Variants in TEP1 observed in about 807,000 individuals in gnomAD.
TEP1 encodes telomerase associated protein 1, also known as telomerase protein component 1.
A neutral mutation model predicts 306.3 loss-of-function variants in TEP1; 241 were observed. The ratio of observed to expected loss-of-function variants is 0.79; its 90% CI spans 0.71 to 0.88. The LOEUF is 0.88. Among genes scored for constraint, TEP1 ranks in the 40% least tolerant of loss-of-function variants. TEP1 has a pLI of 0.00. For synonymous variants in TEP1, 1,289 were observed against 1,305.5 expected (o/e 0.99, Z 0.27); for missense variants, 3,051 against 3,276.1 (o/e 0.93, Z 1.68).
At chr14:20,384,012 C>G in intron 24 of TEP1, 26 bp downstream of exon 24, 6 of 1,587,766 alleles carry the variant, frequency 3.8e-6, no homozygotes, top group Non-Finnish European at 5.1e-6. Context: ...TCCCTCCCTC[C>G]TGCCCAGGCC....
intron 9 of TEP1, among the ~76,000 whole-genome samples, chr14:20,397,871 A>G (rs1331213031): frequency 6.6e-6 from 1 of 151,952 alleles, no homozygotes; most frequent in African/African-American, 2.4e-5. Flanking sequence ...CTCCTGCCTC[A>G]GCCTCCGAGT....
intron 9 of TEP1, among the ~76,000 whole-genome samples, chr14:20,398,980 T>C (rs1878445933): frequency 6.6e-6 from 1 of 152,048 alleles, no homozygotes; most frequent in South Asian, 2.1e-4. Context: ...CAACCTCCAC[T>C]TTCCAGGCTC....
At position 20,387,943 on chromosome 14, in the gene TEP1, C is replaced by T; in HGVS notation, c.2646G>A (p.Glu882=). ...CAGGAGCCAAGGGGCTTGGAGTGTCCTCTTCCAGTGGCCGGAGAGACTGGA... is the reference window on the plus strand; with the variant it reads ...CAGGAGCCAAGGGGCTTGGAGTGTCTTCTTCCAGTGGCCGGAGAGACTGGA... ...TGVQSLRPLE[E]DTPSPLAPVS... The change falls in exon 18 of 55, where the codon GAG becomes GAA. Residue 882 remains glutamate, a synonymous_variant. Coordinates refer to ENST00000262715, the MANE Select transcript of TEP1 (RefSeq NM_007110.5). The T allele has an allele frequency of 6.2e-7, 1 of 1,613,868 alleles. No individual in the cohort carries two copies. The highest frequency in any genetic ancestry group is 1.1e-5 in the South Asian group (1 of 90,972).
At chr14:20,374,784 G>C (rs957504193) in intron 43 of TEP1, among the ~76,000 whole-genome samples, 1 of 152,124 alleles carries the variant, frequency 6.6e-6, no homozygotes, top group African/African-American at 2.4e-5. Flanking sequence ...TTGTGGGGCT[G>C]AGTGCGTCTA....
In TEP1 at chr14:20,389,137, G is replaced by A. The variant is rs190651718; in HGVS notation, c.2525+101C>T. ...CACTCCAGCCTGAGCGACAGAGTGAGATTCTGTCTTAAAAAAAAAAAAAAG... is the reference window on the plus strand; with the variant it reads ...CACTCCAGCCTGAGCGACAGAGTGAAATTCTGTCTTAAAAAAAAAAAAAAG... On this transcript the variant is annotated intron_variant, in intron 17 of 54. Transcript: ENST00000262715. 6.6e-4 allele frequency: 710 copies of A among 1,079,800 alleles called. 3 individuals are homozygous for A. The East Asian group carries it at 7.8e-3, about 12-fold the overall frequency. 66.9% of individuals were successfully genotyped at this position (1,079,800 alleles called of 1,614,324 possible).
chr14:20,396,829 G>A (rs1210091122), intron 9 of TEP1, 99 bp from the exon 10 acceptor site: 5 of 785,004 alleles, frequency 6.4e-6, no homozygotes, highest in African/African-American at 1.7e-5. Flanking sequence ...TGAGACAGAA[G>A]GATCACTTGA....
rs778050046 is a variant in TEP1, at chr14:20,407,977, G to A, written c.463C>T (p.Pro155Ser). ...NNSNCLLSEP[P>S]SWRAQHFSKG... ...GAGAAATGCTGAGCCCTCCAACTTG[G>A]AGGCTCAGAGAGCAGGCAATTGCTG... Residue 155 changes from proline to serine, a missense_variant, in exon 2 of 55, where the codon CCA becomes TCA. Coordinates refer to ENST00000262715, the MANE Select transcript of TEP1 (RefSeq NM_007110.5). 9 of 1,614,194 alleles carry A rather than the reference G, an allele frequency of 5.6e-6. No homozygotes were observed. In the South Asian group the frequency reaches 9.9e-5, roughly 18 times the overall value.
intron 4 of TEP1, 114 bp from the exon 5 acceptor site, chr14:20,404,886 G>A (rs577348155): frequency 8.0e-6 from 10 of 1,256,686 alleles, no homozygotes; most frequent in Admixed American, 6.2e-5. Context: ...AGCCCTCCAC[G>A]TTGTCCACAA....
rs45565241 is a variant in TEP1, at chr14:20,380,980, G to A, written c.4713C>T (p.His1571=). Residue 1571 remains histidine, a synonymous_variant, in exon 33 of 55, where the codon CAC becomes CAT. Coordinates refer to ENST00000262715, the MANE Select transcript of TEP1 (RefSeq NM_007110.5). ...FLTNLHVVAA[H]LELGLVSRLL... The stretch of plus-strand genomic sequence containing the variant: ...GCCGAGAGACCAGACCCAATTCCAA[G>A]TGTGCAGCCACCACATGGAGGTTGG... The A allele has an allele frequency of 3.4e-5, 55 of 1,614,084 alleles. No homozygotes were observed. The highest frequency in any genetic ancestry group is 4.3e-5 in the Non-Finnish European group (51 of 1,180,052).
At position 20,373,269 on chromosome 14, in the gene TEP1, C is replaced by T; in HGVS notation, c.6814+1G>A. 1 of 1,614,020 alleles carries T rather than the reference C, an allele frequency of 6.2e-7. No homozygotes were observed. The highest frequency in any genetic ancestry group is 8.5e-7 in the Non-Finnish European group (1 of 1,179,896). On this transcript the variant is annotated splice_donor_variant, in intron 47 of 54. Transcript: ENST00000262715. LOFTEE classifies it high-confidence loss of function. ...CCTGTCTCTCTCCAAGCCTCACTCA[C>T]CTGCTTCCTTAGGAACCTGCCAGAG...
At chr14:20,372,923 C>T in intron 48 of TEP1, 66 bp from the exon 49 acceptor site, 1 of 1,613,330 alleles carries the variant, frequency 6.2e-7, no homozygotes, top group Non-Finnish European at 8.5e-7. Flanking sequence ...TTTTCCCTCC[C>T]AGGCACATAT....
At chr14:20,404,396 A>AC (rs1879004744) in intron 5 of TEP1, among the ~76,000 whole-genome samples, 2 of 147,656 alleles carry the variant, frequency 1.4e-5, no homozygotes, top group Admixed American at 1.3e-4. Context: ...GAATAAGACC[A>AC]TTTTTTTTTC....
rs184434999 is a variant in TEP1, at chr14:20,398,835, A to G, written c.1550-2105T>C. Among the ~76,000 whole-genome samples, 33 of 152,262 alleles carry G rather than the reference A, an allele frequency of 2.2e-4. No homozygotes were observed. The East Asian group carries it at 5.0e-3, about 23-fold the overall frequency. ...GCTGCTCCCTTTGTAAAGGGGATGT[A>G]AGTCTTATTTGAATTATAGCTGGAA... On this transcript the variant is annotated intron_variant, in intron 9 of 54. Transcript: ENST00000262715.
At position 20,373,699 on chromosome 14, in the gene TEP1, C is replaced by G; in HGVS notation, c.6583G>C (p.Ala2195Pro). 6.2e-7 allele frequency: 1 copy of G among 1,614,202 alleles called. No homozygotes were observed. The highest frequency in any genetic ancestry group is 8.5e-7 in the Non-Finnish European group (1 of 1,180,038). Residue 2195 changes from alanine (A) to proline (P), a missense_variant, in exon 45 of 55, where the codon GCT becomes CCT. This residue lies in a region of TEP1 where 1,540 missense variants were observed against 1,705.9 expected (regional missense o/e 0.90). Transcript: ENST00000262715. ...TTACCTGCACGGGGCTCCATGGCAG[C>G]TGCACAGTGGCTAATGGGTCCTGAG... Reference protein sequence around the residue: ...AHSGPISHCAAAMEPRAAGQP... With the variant: ...AHSGPISHCAPAMEPRAAGQP...
Position 20,367,377 on chromosome 14 carries a change from A to AAG in TEP1, c.*1059_*1060insCT, listed in dbSNP as rs1884534281. On this transcript the variant is annotated 3_prime_UTR_variant, in exon 55 of 55. Transcript: ENST00000262715. ...GACTCTATCTCAAAAACAAAAAAAA[A>AAG]AAAAAAAGGTTTTTTACTTAAGAAA... 6.6e-6 allele frequency: 1 copy of AAG among 151,662 alleles called. No individual in the cohort carries two copies. The highest frequency in any genetic ancestry group is 1.5e-5 in the Non-Finnish European group (1 of 68,010). 9.4% of individuals were successfully genotyped at this position (151,662 alleles called of 1,614,324 possible).
chr14:20,388,198 C>T (rs1877371817), intron 17 of TEP1, 135 bp from the exon 18 acceptor site: 1 of 878,466 alleles, frequency 1.1e-6, no homozygotes, highest in South Asian at 1.6e-5. Flanking sequence ...AGAAGAGGAC[C>T]ATAAGCAGTT....
At chr14:20,389,069 A>G (rs1877473751) in intron 17 of TEP1, among the ~76,000 whole-genome samples, 169 bp downstream of exon 17, 1 of 151,682 alleles carries the variant, frequency 6.6e-6, no homozygotes, top group Non-Finnish European at 1.5e-5. Context: ...GATCGCTTGA[A>G]CCCAGGAGAT....
Position 20,381,040 on chromosome 14 carries a change from C to T in TEP1, c.4653G>A (p.Gln1551=). 6.2e-7 allele frequency: 1 copy of T among 1,613,852 alleles called. No individual in the cohort carries two copies. The highest frequency in any genetic ancestry group is 8.5e-7 in the Non-Finnish European group (1 of 1,179,774). Residue 1551 remains glutamine, a synonymous_variant, in exon 33 of 55, where the codon CAG becomes CAA. Transcript: ENST00000262715. This position sits in a 1 kb window ranked among gnomAD's most constrained non-coding sequence, Gnocchi z 4.0. ...TCGAAAGAAGTCCACGGTTCCCGCTCTGGAGCTGAGAAGGTCAGATTGAAT... is the reference window on the plus strand; with the variant it reads ...TCGAAAGAAGTCCACGGTTCCCGCTTTGGAGCTGAGAAGGTCAGATTGAAT... ...ALGDLPYHLL[Q]SGNRGLLSKF...
chr14:20,403,685 A>G, intron 6 of TEP1, 38 bp downstream of exon 6: 1 of 1,612,012 alleles, frequency 6.2e-7, no homozygotes, highest in Non-Finnish European at 8.5e-7. Context: ...CTTCCTGGAG[A>G]AAAGGGGCGT....
Sources: allele counts gnomAD v4.1 joint callset (sites outside exome capture counted in the v4.1 genomes callset), GRCh38; gene constraint gnomAD v4.1.1; regional missense constraint gnomAD v4.1.1; non-coding constraint Gnocchi (gnomAD v3.1); transcripts MANE v1.5; gene names NCBI Gene and HGNC (gene_info 2026-07-23, HGNC 2026-07-21).